Variants in MYH11 observed in about 807,000 individuals in gnomAD.
MYH11 encodes myosin heavy chain 11.
Under a neutral mutation model 246.6 loss-of-function variants are expected in MYH11, and 80 were observed. The observed-to-expected ratio is 0.32, with a 90% CI of 0.27 to 0.39. MYH11 has a LOEUF of 0.39. Ranked by LOEUF, MYH11 falls within the 10% of genes least tolerant of loss-of-function variation. The pLI is 1.00. For missense variants in MYH11, 2,158 were observed against 2,546.8 expected (o/e 0.85, Z 3.29); for synonymous variants, 1,071 against 1,015.5 (o/e 1.05, Z -1.04).
chr16:15,797,111 C>T (rs973092791), intron 4 of MYH11, among the ~76,000 whole-genome samples: 3 of 152,168 alleles, frequency 2.0e-5, no homozygotes, highest in African/African-American at 7.2e-5. Context: ...CTCCTTCCAT[C>T]CCAACTTTTG....
chr16:15,829,644 C>T (rs2043674974), intron 2 of MYH11, among the ~76,000 whole-genome samples: 2 of 152,214 alleles, frequency 1.3e-5, no homozygotes, highest in African/African-American at 2.4e-5. Flanking sequence ...ATCTCATGGG[C>T]CCTGTGCCAC....
chr16:15,776,049 C>G (rs774374688), intron 8 of MYH11, 29 bp downstream of exon 8: 2 of 1,501,592 alleles, frequency 1.3e-6, no homozygotes, highest in African/African-American at 1.4e-5. Context: ...CTCAAGCCAT[C>G]CAATCACATG....
Position 15,753,356 on chromosome 16 carries a change from T to G in MYH11, c.1864+38A>C, listed in dbSNP as rs1423130966. 3 of 1,584,298 alleles carry G rather than the reference T, an allele frequency of 1.9e-6. No homozygotes were observed. In the Admixed American group the frequency reaches 5.0e-5, roughly 26 times the overall value. Reference sequence around the variant, plus strand: ...GGACTTGGGTGTTCAATTCTCCAGCTCAAAGCAGAACATGGACCCGAGCAG... The same window carrying G: ...GGACTTGGGTGTTCAATTCTCCAGCGCAAAGCAGAACATGGACCCGAGCAG... On this transcript the variant is annotated intron_variant, in intron 15 of 40. Transcript: ENST00000300036.
At chr16:15,798,608 T>TAAAAACAAA in intron 4 of MYH11, 52 bp downstream of exon 4, 1 of 1,036,158 alleles carries the variant, frequency 9.7e-7, no homozygotes, top group South Asian at 1.7e-5. Context: ...GACTACAGAT[T>TAAAAACAAA]AAAAAAAAAA....
chr16:15,771,479 C>A, intron 9 of MYH11, 90 bp downstream of exon 9: 10 of 1,271,368 alleles, frequency 7.9e-6, no homozygotes, highest in South Asian at 4.4e-5. Flanking sequence ...ATTCAGAGAG[C>A]AGAAATCTGT....
At chr16:15,781,863 G>C (rs1386948847) in intron 6 of MYH11, among the ~76,000 whole-genome samples, 1 of 152,104 alleles carries the variant, frequency 6.6e-6, no homozygotes, top group Non-Finnish European at 1.5e-5. Flanking sequence ...AAAAAACAAA[G>C]AGAATGGTGG....
chr16:15,825,765 G>A (rs997120461), intron 2 of MYH11, among the ~76,000 whole-genome samples: 1 of 152,028 alleles, frequency 6.6e-6, no homozygotes, highest in Non-Finnish European at 1.5e-5. Flanking sequence ...GCTGTACGTG[G>A]TAAGGCACTA....
intron 8 of MYH11, among the ~76,000 whole-genome samples, chr16:15,772,984 T>A (rs1447175447): frequency 1.3e-5 from 2 of 152,170 alleles, no homozygotes; most frequent in Non-Finnish European, 2.9e-5. Flanking sequence ...TGGTGACTAG[T>A]ATAATTATTT....
intron 2 of MYH11, among the ~76,000 whole-genome samples, chr16:15,828,523 A>G (rs2043632032): frequency 6.6e-6 from 1 of 152,208 alleles, no homozygotes; most frequent in East Asian, 1.9e-4. Context: ...CAGGGTAGAC[A>G]CTCAGTCAGC....
chr16:15,728,771 TC>T (rs1208456433), intron 27 of MYH11, among the ~76,000 whole-genome samples: 1 of 151,800 alleles, frequency 6.6e-6, no homozygotes, highest in African/African-American at 2.4e-5. Flanking sequence ...ATGGTGGCAG[TC>T]ACCTGTAATC....
chr16:15,744,735 G>T (rs966399691), intron 20 of MYH11, among the ~76,000 whole-genome samples: 14 of 148,276 alleles, frequency 9.4e-5, no homozygotes, highest in African/African-American at 3.5e-4. Context: ...ACTCCTGACC[G>T]CAAGTGATCC....
chr16:15,715,986 G>A (rs536092146), intron 38 of MYH11, among the ~76,000 whole-genome samples: 2 of 152,220 alleles, frequency 1.3e-5, no homozygotes, highest in African/African-American at 2.4e-5. Flanking sequence ...TACAAGCTGG[G>A]TACAGTGGTG....
chr16:15,745,551 G>A (rs2041393430), intron 19 of MYH11, among the ~76,000 whole-genome samples: 1 of 150,904 alleles, frequency 6.6e-6, no homozygotes, highest in African/African-American at 2.4e-5. Flanking sequence ...GTACTCCCCA[G>A]CTGCACTAGC....
chr16:15,771,517 T>G (rs1436205433), intron 9 of MYH11, 52 bp downstream of exon 9: 1 of 1,605,674 alleles, frequency 6.2e-7, no homozygotes, highest in Non-Finnish European at 8.5e-7. Flanking sequence ...TCTTAACAGG[T>G]TCCACTGGTA....
At chr16:15,736,420 A>T (rs2041119633) in intron 25 of MYH11, among the ~76,000 whole-genome samples, 1 of 152,178 alleles carries the variant, frequency 6.6e-6, no homozygotes, top group South Asian at 2.1e-4. Flanking sequence ...CTGGGACTAC[A>T]GGCACACACC....
intron 40 of MYH11, among the ~76,000 whole-genome samples, chr16:15,707,079 C>G (rs763044670): frequency 6.6e-6 from 1 of 152,070 alleles, no homozygotes; most frequent in Non-Finnish European, 1.5e-5. Flanking sequence ...CGCTGTGTTG[C>G]CCAGGCTGGA....
chr16:15,808,646 C>CAGTGCTTTGGGAGGCTG (rs1364124783), intron 3 of MYH11, among the ~76,000 whole-genome samples: 2 of 152,286 alleles, frequency 1.3e-5, no homozygotes, highest in East Asian at 3.9e-4. Flanking sequence ...CCTGTAATCC[C>CAGTGCTTTGGGAGGCTG]AGTGCTTTGG....
intron 28 of MYH11, chr16:15,726,011 T>C: frequency 3.6e-6 from 1 of 274,182 alleles, no homozygotes; most frequent in South Asian, 1.7e-4. Context: ...TGTATGTCTC[T>C]CTCCTAATTT....
Position 15,759,606 on chromosome 16 carries a change from G to T in MYH11, c.1371C>A (p.Ile457=), listed in dbSNP as rs1434654520. 1.9e-6 allele frequency: 3 copies of T among 1,614,030 alleles called. No homozygotes were observed. Among genetic ancestry groups the T allele is most frequent in the Non-Finnish European group, 2.5e-6 (3 of 1,180,036 alleles). ...THRQGASFLG[I]LDIAGFEIFE... ...AGATCTCAAATCCAGCTATATCCAG[G>T]ATCCCCAGGAAGGAAGCCCCTTGCC... The change falls in exon 12 of 41, where the codon ATC becomes ATA. Residue 457 remains isoleucine, a synonymous_variant. Transcript: ENST00000300036.
Sources: allele counts gnomAD v4.1 joint callset (sites outside exome capture counted in the v4.1 genomes callset), GRCh38; gene constraint gnomAD v4.1.1; transcripts MANE v1.5; gene names NCBI Gene and HGNC (gene_info 2026-07-23, HGNC 2026-07-21).